BRI3BP: variants seen among roughly 807,000 people sequenced by gnomAD.
BRI3BP encodes the protein BRI3-binding protein.
A neutral mutation model predicts 15.8 loss-of-function variants in BRI3BP; 7 were observed. That is an observed-to-expected ratio of 0.44 (90% CI 0.25 to 0.83). BRI3BP has a LOEUF of 0.83. Ranked by LOEUF, BRI3BP falls within the 40% of genes least tolerant of loss-of-function variation. BRI3BP has a pLI of 0.20. For synonymous variants in BRI3BP, 192 were observed against 163.5 expected (o/e 1.17, Z -1.33); for missense variants, 320 against 339.3 (o/e 0.94, Z 0.45).
intron 1 of BRI3BP, among the ~76,000 whole-genome samples, chr12:125,000,415 A>G (rs200691617): frequency 6.9e-6 from 1 of 145,130 alleles, no homozygotes; most frequent in African/African-American, 2.6e-5. Flanking sequence ...CCGGGTTCAC[A>G]CCTTTCCCCT....
chr12:124,996,245 C>A (rs1955039723), intron 1 of BRI3BP, among the ~76,000 whole-genome samples: 1 of 151,996 alleles, frequency 6.6e-6, no homozygotes, highest in African/African-American at 2.4e-5. Flanking sequence ...GAGTGTAGCC[C>A]ACACTGGCCA....
At chr12:125,041,227 T>C in the BRI3BP span, among the ~76,000 whole-genome samples, 3 of 151,658 alleles carry the variant, frequency 2.0e-5, no homozygotes, top group Non-Finnish European at 4.4e-5. Context: ...TGTGTGTGTG[T>C]GTGTATTTTT....
intron 2 of BRI3BP, among the ~76,000 whole-genome samples, chr12:125,015,881 C>T (rs957927063): frequency 2.0e-5 from 3 of 152,208 alleles, no homozygotes; most frequent in Non-Finnish European, 4.4e-5. Flanking sequence ...AACGCACCCT[C>T]CCCCAGATGC....
rs1955368439 is a variant in BRI3BP at position 125,027,737 on chromosome 12, G to T, written c.*2307G>T. 2 of 152,016 alleles carry T rather than the reference G, an allele frequency of 1.3e-5. No individual in the cohort carries two copies. Among genetic ancestry groups the T allele is most frequent in the Admixed American group, 1.3e-4 (2 of 15,260 alleles). 9.4% of individuals were successfully genotyped at this position (152,016 alleles called of 1,614,324 possible). A position where few individuals can be genotyped will look rare whatever the true frequency, so the allele number is the denominator to read the frequency against. On this transcript the variant is annotated 3_prime_UTR_variant, in exon 3 of 3. Coordinates refer to ENST00000341446, the MANE Select transcript of BRI3BP (RefSeq NM_080626.6). ...TGGAGTCTCACTGTCAACCAGGCTG[G>T]AGTGCAGTGGCACCATCTCGGCTCA... is the stretch of plus-strand genomic sequence containing the variant.
intron 2 of BRI3BP, among the ~76,000 whole-genome samples, chr12:125,022,132 T>C (rs2135998990): frequency 6.7e-6 from 1 of 148,668 alleles, no homozygotes; most frequent in African/African-American, 2.5e-5. Context: ...ACCCAGGACC[T>C]ACTGAATCAG....
chr12:125,011,754 C>T (rs1013903580), intron 1 of BRI3BP, among the ~76,000 whole-genome samples: 1 of 152,034 alleles, frequency 6.6e-6, no homozygotes, highest in Admixed American at 6.6e-5. Context: ...GAGGCTGTAC[C>T]TTGTATTCAT....
intron 1 of BRI3BP, among the ~76,000 whole-genome samples, chr12:125,005,733 G>A (rs901059350): frequency 5.3e-5 from 8 of 151,394 alleles, no homozygotes; most frequent in Non-Finnish European, 1.0e-4. Flanking sequence ...AGCCGAGATC[G>A]CGCCACTGCA....
chr12:125,044,951 A>T, the BRI3BP span, among the ~76,000 whole-genome samples: 1 of 152,164 alleles, frequency 6.6e-6, no homozygotes, highest in Admixed American at 6.6e-5. Context: ...ATTGTATTTA[A>T]TATTCAAAAC....
intron 2 of BRI3BP, among the ~76,000 whole-genome samples, chr12:125,013,895 A>G (rs75280415): frequency 0.028 from 4,260 of 152,164 alleles, 193 homozygotes; most frequent in African/African-American, 0.096. Flanking sequence ...AGCAACGGTC[A>G]TGGTAACTGA....
chr12:125,007,125 C>T (rs988011122), intron 1 of BRI3BP, among the ~76,000 whole-genome samples: 4 of 151,862 alleles, frequency 2.6e-5, no homozygotes, highest in Non-Finnish European at 5.9e-5. Flanking sequence ...CTTGAATCCA[C>T]AAGGCAGAGG....
Position 125,004,408 on chromosome 12 carries a change from G to A in BRI3BP, c.214-8126G>A, listed in dbSNP as rs149847054. ...TAGTCTCTAACTCCCAGACTCAAAC[G>A]ATCCTCTGGCCTTGGCCTCCCAAAG... On this transcript the variant is annotated intron_variant, in intron 1 of 2. Transcript: ENST00000341446. Among the ~76,000 whole-genome samples, 252 of 152,282 alleles carry A rather than the reference G, an allele frequency of 1.7e-3. 1 individual carries two copies. Among genetic ancestry groups the A allele is most frequent in the African/African-American group, 5.6e-3 (233 of 41,574 alleles).
chr12:125,024,084 G>T (rs576524426), intron 2 of BRI3BP, among the ~76,000 whole-genome samples: 53 of 152,230 alleles, frequency 3.5e-4, no homozygotes, highest in Middle Eastern at 3.4e-3. Flanking sequence ...CCTGAGACTA[G>T]GTAATGCATA....
At chr12:125,018,780 A>G (rs1430698762) in intron 2 of BRI3BP, among the ~76,000 whole-genome samples, 1 of 151,722 alleles carries the variant, frequency 6.6e-6, no homozygotes, top group African/African-American at 2.4e-5. Flanking sequence ...CCTGAGTTCA[A>G]GCGATTCTAG....
intron 2 of BRI3BP, among the ~76,000 whole-genome samples, chr12:125,024,242 CA>C (rs1474117647): frequency 1.5e-5 from 2 of 135,382 alleles, no homozygotes; most frequent in East Asian, 4.3e-4. Flanking sequence ...ACACTTAAAC[CA>C]TCAGATCTCA....
chr12:125,044,114 T>A, the BRI3BP span, among the ~76,000 whole-genome samples: 1 of 152,038 alleles, frequency 6.6e-6, no homozygotes, highest in Admixed American at 6.6e-5. Flanking sequence ...GGATTAGAGC[T>A]CTTTTGAGAT....
At chr12:125,034,273 C>G (rs1320376129), downstream of BRI3BP, among the ~76,000 whole-genome samples, 1 of 140,594 alleles carries the variant, frequency 7.1e-6, no homozygotes, top group Admixed American at 7.1e-5. Flanking sequence ...CTCGAACTAC[C>G]GACCTCAGGT....
chr12:125,025,163 C>T lies in BRI3BP; in HGVS notation c.489C>T (p.Val163=), dbSNP rs987101253. 3 of 1,614,146 alleles carry T rather than the reference C, an allele frequency of 1.9e-6. No individual in the cohort carries two copies. Among genetic ancestry groups the T allele is most frequent in the Admixed American group, 1.7e-5 (1 of 60,000 alleles). Residue 163 remains valine (V), a synonymous_variant, in exon 3 of 3, where the codon GTC becomes GTT. Transcript: ENST00000341446. ...GCCGCTTCTTCTGGATCGTGCGGGT[C>T]GTCCTGTTTTCCATGTCCTGCGTGT... is the stretch of plus-strand genomic sequence containing the variant. ...VFGRFFWIVR[V]VLFSMSCVYI... is the part of the protein sequence containing the mutation.
intron 2 of BRI3BP, among the ~76,000 whole-genome samples, chr12:125,014,500 G>C (rs754927953): frequency 1.3e-5 from 2 of 152,188 alleles, no homozygotes; most frequent in Non-Finnish European, 2.9e-5. Flanking sequence ...TTCCCGGGCA[G>C]GCCAGGCCCA....
At chr12:125,035,444 A>T (rs1181878610), downstream of BRI3BP, among the ~76,000 whole-genome samples, 1 of 145,412 alleles carries the variant, frequency 6.9e-6, no homozygotes, top group African/African-American at 2.6e-5. Context: ...CCCAGGCTGG[A>T]GTGCAGTGGT....
Sources: gnomAD v4.1 joint callset for allele counts (sites outside exome capture counted in the v4.1 genomes callset) on GRCh38, gnomAD v4.1.1 for gene constraint, MANE v1.5 for transcripts, NCBI Gene and HGNC (gene_info 2026-07-23, HGNC 2026-07-21) for gene names.